The following SYPL2 variants were observed in gnomAD, a reference collection of about 807,000 sequenced individuals.
The protein encoded by SYPL2 is synaptophysin-like protein 2.
In SYPL2, 24 loss-of-function variants were observed where a neutral mutation model predicts 31.3. The ratio of observed to expected loss-of-function variants is 0.77; its 90% CI spans 0.56 to 1.08. The LOEUF is 1.08. SYPL2 is among the 50% of genes least tolerant of loss of function. SYPL2 has a pLI of 0.00. For missense variants in SYPL2, 342 were observed against 360.1 expected (o/e 0.95, Z 0.41); for synonymous variants, 144 against 143.1 (o/e 1.01, Z -0.05).
In SYPL2 at chr1:109,481,484, G is replaced by A. The variant is rs1292918837; in HGVS notation, c.*1936G>A. On this transcript the variant is annotated 3_prime_UTR_variant, in exon 6 of 6. Transcript: ENST00000369872. Reference sequence around the variant, plus strand: ...AGCAGCTTCTACTGGATCTTTGTTTGGATTCTGTGTCTGTATTTATAATTT... The same window carrying A: ...AGCAGCTTCTACTGGATCTTTGTTTAGATTCTGTGTCTGTATTTATAATTT... The A allele has an allele frequency of 6.6e-6, 1 of 152,384 alleles. No homozygotes were observed. The highest frequency in any genetic ancestry group is 6.6e-5 in the Admixed American group (1 of 15,252). The allele number at this position is 152,384 out of a possible 1,614,324, so 9.4% of individuals were successfully genotyped here. A position where few individuals can be genotyped will look rare whatever the true frequency, so the allele number is the denominator to read the frequency against.
At chr1:109,466,975 A>T in intron 1 of SYPL2, 78 bp downstream of exon 1, 1 of 1,536,042 alleles carries the variant, frequency 6.5e-7, no homozygotes, top group South Asian at 1.2e-5. Context: ...CCACCCCTGG[A>T]CCGCGTGTGA....
At chr1:109,472,940 A>G (rs955205507) in intron 2 of SYPL2, among the ~76,000 whole-genome samples, 1 of 152,060 alleles carries the variant, frequency 6.6e-6, no homozygotes, top group Non-Finnish European at 1.5e-5. Context: ...TAAGGAACCT[A>G]TAAGGAGCCA....
At position 109,476,903 on chromosome 1, in the gene SYPL2, T is replaced by C; in HGVS notation, c.382T>C (p.Tyr128His). 6.2e-7 allele frequency: 1 copy of C among 1,614,250 alleles called. No individual in the cohort carries two copies. Among genetic ancestry groups the C allele is most frequent in the Non-Finnish European group, 8.5e-7 (1 of 1,180,052 alleles). The change falls in exon 4 of 6, where the codon TAT (tyrosine) becomes CAT (histidine). Residue 128 changes from tyrosine to histidine, a missense_variant. Transcript: ENST00000369872. Reference sequence around the variant, plus strand: ...GACCCTTGGCATCTTTTCCTTCTTCTATACCATGGCTGCCCTAGTTATCTA... The same window carrying C: ...GACCCTTGGCATCTTTTCCTTCTTCCATACCATGGCTGCCCTAGTTATCTA... ...FVTLGIFSFF[Y>H]TMAALVIYLR...
Position 109,475,641 on chromosome 1 carries a change from G to A in SYPL2, c.190G>A (p.Val64Ile), listed in dbSNP as rs1655974950. Residue 64 changes from valine (V) to isoleucine (I), a missense_variant, in exon 3 of 6, where the codon GTT becomes ATT. Val to Ile is a conservative substitution (Grantham distance 29). Transcript: ENST00000369872. ...GSYSGETGAMVRCNNEAKDVS... is the reference protein window; with the variant it reads ...GSYSGETGAMIRCNNEAKDVS... ...CTACAGCGGGGAGACAGGAGCAATG[G>A]TTCGCTGCAACAACGAAGCCAAGGA... 1 of 1,614,014 alleles carries A rather than the reference G, an allele frequency of 6.2e-7. No homozygotes were observed. Among genetic ancestry groups the A allele is most frequent in the Non-Finnish European group, 8.5e-7 (1 of 1,180,012 alleles).
intron 2 of SYPL2, among the ~76,000 whole-genome samples, chr1:109,472,916 G>A (rs548891877): frequency 5.9e-5 from 9 of 152,034 alleles, no homozygotes; most frequent in Non-Finnish European, 1.2e-4. Context: ...CACCATGCCC[G>A]GCCCCTGCTT....
At chr1:109,477,351 TAGTCTCAATA>T (rs1180995434) in intron 4 of SYPL2, among the ~76,000 whole-genome samples, 4 of 152,196 alleles carry the variant, frequency 2.6e-5, no homozygotes. Flanking sequence ...AGTACATAGT[TAGTCTCAATA>T]AGCATTAGCG....
Position 109,477,994 on chromosome 1 carries a change from G to C in SYPL2, c.633G>C (p.Leu211=). Residue 211 remains leucine (L), a synonymous_variant, in exon 5 of 6, where the codon CTG becomes CTC. Transcript: ENST00000369872. The part of the protein sequence containing the change: ...CSAGATPSMG[L]ANISVLFGFI... Reference sequence around the variant, plus strand: ...CCGGGGCCACGCCCTCTATGGGCCTGGCCAACATCTCCGTGGTGAGACCTG... The same window carrying C: ...CCGGGGCCACGCCCTCTATGGGCCTCGCCAACATCTCCGTGGTGAGACCTG... 1 of 1,614,182 alleles carries C rather than the reference G, an allele frequency of 6.2e-7. No individual in the cohort carries two copies. The highest frequency in any genetic ancestry group is 1.1e-5 in the South Asian group (1 of 91,086).
rs867305380 is a variant in SYPL2 at position 109,476,943 on chromosome 1, A to G, written c.422A>G (p.Asn141Ser). The change falls in exon 4 of 6, where the codon AAC (asparagine) becomes AGC (serine). Residue 141 changes from asparagine (N) to serine (S), a missense_variant. Physicochemically the swap from Asn to Ser is conservative, Grantham distance 46. Coordinates refer to ENST00000369872, the MANE Select transcript of SYPL2 (RefSeq NM_001040709.2). ...AALVIYLRFH[N>S]LYTENKRFPL... ...CTAGTTATCTACCTGCGCTTCCACAACCTCTACACAGAGAACAAACGCTTC... is the reference window on the plus strand; with the variant it reads ...CTAGTTATCTACCTGCGCTTCCACAGCCTCTACACAGAGAACAAACGCTTC... 1 of 1,614,104 alleles carries G rather than the reference A, an allele frequency of 6.2e-7. No individual in the cohort carries two copies. The highest frequency in any genetic ancestry group is 8.5e-7 in the Non-Finnish European group (1 of 1,180,028).
intron 2 of SYPL2, among the ~76,000 whole-genome samples, chr1:109,467,809 G>C (rs192717075): frequency 6.6e-6 from 1 of 152,348 alleles, no homozygotes; most frequent in Non-Finnish European, 1.5e-5. Context: ...ACACTGATCT[G>C]AGAAGCTGGG....
At chr1:109,477,754 G>A in intron 4 of SYPL2, 64 bp from the exon 5 acceptor site, 1 of 1,539,742 alleles carries the variant, frequency 6.5e-7, no homozygotes, top group Admixed American at 1.9e-5. Context: ...ATGGCAAGTG[G>A]AAAAGAAGCA....
chr1:109,479,313 T>C, intron 5 of SYPL2, 65 bp from the exon 6 acceptor site: 1 of 1,563,318 alleles, frequency 6.4e-7, no homozygotes, highest in Non-Finnish European at 8.8e-7. Context: ...CAATAGGAAC[T>C]CCCCCTCCCT....
chr1:109,474,318 CTTTTCTTTTTTTT>C (rs1655929670), intron 2 of SYPL2, among the ~76,000 whole-genome samples: 1 of 119,448 alleles, frequency 8.4e-6, no homozygotes, highest in African/African-American at 3.8e-5. Context: ...CTTTTCTTTT[CTTTTCTTTTTTTT>C]TTTTTTTTTG....
chr1:109,467,759 T>G (rs1435508439), intron 2 of SYPL2, among the ~76,000 whole-genome samples: 3 of 152,006 alleles, frequency 2.0e-5, no homozygotes. Context: ...AGAATAAAAA[T>G]CACGGCATGG....
rs1193303724 is a variant in SYPL2, at chr1:109,480,707, CT to C, written c.*1161del. ...TCATCTTGAAAACAGGATGTTCCCT[CT>C]TCCCTTGCTGTCCCATTTCTCCCCT... is the stretch of plus-strand genomic sequence containing the variant. On this transcript the variant is annotated 3_prime_UTR_variant, in exon 6 of 6. Transcript: ENST00000369872. The C allele has an allele frequency of 6.5e-6, 1 of 152,742 alleles. No individual in the cohort carries two copies. Among genetic ancestry groups the C allele is most frequent in the Non-Finnish European group, 1.5e-5 (1 of 68,104 alleles). 9.5% of individuals were successfully genotyped at this position (152,742 alleles called of 1,614,324 possible).
chr1:109,467,929 T>C (rs917702574), intron 2 of SYPL2, among the ~76,000 whole-genome samples: 5 of 152,144 alleles, frequency 3.3e-5, no homozygotes, highest in African/African-American at 1.2e-4. Flanking sequence ...AGAACCTTCC[T>C]AGGGTCTCCT....
chr1:109,466,975 A>G, intron 1 of SYPL2, 78 bp downstream of exon 1: 2 of 1,536,042 alleles, frequency 1.3e-6, no homozygotes, highest in Non-Finnish European at 1.7e-6. Context: ...CCACCCCTGG[A>G]CCGCGTGTGA....
intron 5 of SYPL2, 141 bp from the exon 6 acceptor site, chr1:109,479,237 G>A (rs561050029): frequency 1.0e-5 from 9 of 902,216 alleles, no homozygotes; most frequent in Non-Finnish European, 1.6e-5. Context: ...CCTCTATACC[G>A]AGCTCTCTGT....
chr1:109,472,222 T>G (rs557898471), intron 2 of SYPL2, among the ~76,000 whole-genome samples: 43 of 152,138 alleles, frequency 2.8e-4, no homozygotes, highest in Middle Eastern at 6.8e-3. Context: ...GCTCAAGAGA[T>G]CTTCCCACAT....
intron 2 of SYPL2, 65 bp from the exon 3 acceptor site, chr1:109,475,516 G>T: frequency 1.3e-6 from 2 of 1,577,252 alleles, no homozygotes; most frequent in African/African-American, 1.4e-5. Context: ...GGGGAGTCAC[G>T]GTTAGTTCTC....
Sources: allele counts gnomAD v4.1 joint callset (sites outside exome capture counted in the v4.1 genomes callset), GRCh38; gene constraint gnomAD v4.1.1; transcripts MANE v1.5; gene names NCBI Gene and HGNC (gene_info 2026-07-23, HGNC 2026-07-21).